Variants in MYH11 observed in about 807,000 individuals in gnomAD.
The protein encoded by MYH11 is myosin-11.
MYH11 carries 80 observed loss-of-function variants against 246.6 expected under a neutral mutation model. That is an observed-to-expected ratio of 0.32 (90% CI 0.27 to 0.39). The LOEUF (loss-of-function observed/expected upper bound fraction) is 0.39. Among genes scored for constraint, MYH11 ranks in the 10% least tolerant of loss-of-function variants. MYH11 has a pLI of 1.00. For synonymous variants in MYH11, 1,071 were observed against 1,015.5 expected, an observed-to-expected ratio of 1.05 and a Z score of -1.04; for missense variants, 2,158 against 2,546.8, an observed-to-expected ratio of 0.85 and a Z score of 3.29.
intron 20 of MYH11, among the ~76,000 whole-genome samples, chr16:15,742,645 C>A (rs889288412): frequency 6.6e-6 from 1 of 151,910 alleles, no homozygotes; most frequent in African/African-American, 2.4e-5. Context: ...GCAGGAAGAT[C>A]GCTTGAACCC....
chr16:15,796,574 T>A (rs757083923), intron 4 of MYH11, among the ~76,000 whole-genome samples: 3 of 152,310 alleles, frequency 2.0e-5, no homozygotes, highest in Middle Eastern at 3.4e-3. Flanking sequence ...TGGGTTTGGC[T>A]CCTAGGGGAT....
intron 9 of MYH11, among the ~76,000 whole-genome samples, chr16:15,768,614 C>T (rs1255303140): frequency 6.6e-6 from 1 of 152,168 alleles, no homozygotes; most frequent in Non-Finnish European, 1.5e-5. Context: ...CCATTATTTG[C>T]TTAATCATTT....
At chr16:15,763,416 G>A (rs2041911286) in intron 10 of MYH11, among the ~76,000 whole-genome samples, 1 of 152,108 alleles carries the variant, frequency 6.6e-6, no homozygotes, top group Non-Finnish European at 1.5e-5. Context: ...GGTAGGACGT[G>A]ATGACTCTTG....
chr16:15,718,107 A>G, intron 37 of MYH11: 1 of 739,276 alleles, frequency 1.4e-6, no homozygotes, highest in Non-Finnish European at 2.2e-6. Flanking sequence ...AAAATGAGAC[A>G]CTGCAGCGTG....
At chr16:15,783,868 C>A (rs1161416558) in intron 5 of MYH11, among the ~76,000 whole-genome samples, 1 of 152,046 alleles carries the variant, frequency 6.6e-6, no homozygotes, top group Non-Finnish European at 1.5e-5. Flanking sequence ...AAAGCAGATC[C>A]CAAATAAGAA....
chr16:15,848,166 G>T (rs1459442012), intron 1 of MYH11, among the ~76,000 whole-genome samples: 2 of 149,152 alleles, frequency 1.3e-5, no homozygotes, highest in Admixed American at 6.7e-5. Flanking sequence ...CCAAATTTTT[G>T]AGAAAATTCA....
chr16:15,743,223 C>T (rs2041323373), intron 20 of MYH11, among the ~76,000 whole-genome samples: 1 of 152,162 alleles, frequency 6.6e-6, no homozygotes. Context: ...GGCTGGAGTG[C>T]AGTGGCACGA....
chr16:15,804,110 C>T (rs1040330952), intron 3 of MYH11, among the ~76,000 whole-genome samples: 1 of 152,200 alleles, frequency 6.6e-6, no homozygotes, highest in African/African-American at 2.4e-5. Context: ...TTGCTTTGCA[C>T]AAGTGATTTC....
rs116075355 is a variant in MYH11 at position 15,848,964 on chromosome 16, G to A, written c.-18+7977C>T. On this transcript the variant is annotated intron_variant, in intron 1 of 40. Coordinates refer to ENST00000300036, the MANE Select transcript of MYH11 (RefSeq NM_002474.3). ...CCCTCCCTCCTCCACCATCGCTCAT[G>A]TTTAAGGTCCTGCATCAGCTCCAAG... 1.9e-3 allele frequency among the ~76,000 whole-genome samples: 296 copies of A among 152,278 alleles called. 3 individuals carry two copies. Among genetic ancestry groups the A allele is most frequent in the African/African-American group, 6.8e-3 (281 of 41,554 alleles).
chr16:15,780,474 C>CTTTTTTTTTTTTTTTTTTTTT (rs71134460), intron 6 of MYH11, among the ~76,000 whole-genome samples: 1 of 69,002 alleles, frequency 1.4e-5, no homozygotes, highest in African/African-American at 6.1e-5. Context: ...GATTTTTACG[C>CTTTTTTTTTTTTTTTTTTTTT]TTTTTTTTTT....
At chr16:15,766,310 C>G (rs2041978539) in intron 9 of MYH11, among the ~76,000 whole-genome samples, 1 of 151,472 alleles carries the variant, frequency 6.6e-6, no homozygotes. Context: ...AATGGAAACC[C>G]AGAGTTTTTA....
Position 15,820,538 on chromosome 16 carries a change from C to A in MYH11, c.502+2717G>T, listed in dbSNP as rs563815316. ...AAAGAAAAAGATTCAGGGCAATTCA[C>A]AGCTGAATGAACGCTAAGACCACAG... On this transcript the variant is annotated intron_variant, in intron 3 of 40. Coordinates refer to ENST00000300036, the MANE Select transcript of MYH11 (RefSeq NM_002474.3). Among the ~76,000 whole-genome samples the A allele has an allele frequency of 6.6e-5, 10 of 150,456 alleles. No homozygotes were observed. In the South Asian group the frequency reaches 1.9e-3, roughly 29 times the overall value.
In MYH11 at chr16:15,855,223, G is replaced by A. The variant is rs569218911; in HGVS notation, c.-18+1718C>T. On this transcript the variant is annotated intron_variant, in intron 1 of 40. Coordinates refer to ENST00000300036, the MANE Select transcript of MYH11 (RefSeq NM_002474.3). Reference sequence around the variant, plus strand: ...CTCGGAAAAGACCCAGCTAGTTCACGTTCTGGACTCTCGGCATGGCAGCCC... The same window carrying A: ...CTCGGAAAAGACCCAGCTAGTTCACATTCTGGACTCTCGGCATGGCAGCCC... Among the ~76,000 whole-genome samples the A allele has an allele frequency of 2.0e-5, 3 of 152,318 alleles. No homozygotes were observed. In the South Asian group the frequency reaches 6.2e-4, roughly 32 times the overall value.
intron 26 of MYH11, among the ~76,000 whole-genome samples, chr16:15,734,417 G>A (rs1174787194): frequency 6.6e-6 from 1 of 152,102 alleles, no homozygotes; most frequent in South Asian, 2.1e-4. Flanking sequence ...TACTGCCTCA[G>A]CCTCCTGAGT....
intron 1 of MYH11, among the ~76,000 whole-genome samples, 166 bp from the exon 2 acceptor site, chr16:15,838,435 G>A (rs930319058): frequency 1.3e-5 from 2 of 152,056 alleles, no homozygotes; most frequent in African/African-American, 4.8e-5. Context: ...CCACCCAAAG[G>A]CCCTTCAGAA....
At chr16:15,823,122 C>T in intron 3 of MYH11, 133 bp downstream of exon 3, 1 of 1,308,692 alleles carries the variant, frequency 7.6e-7, no homozygotes, top group Middle Eastern at 2.6e-4. Context: ...TTTGCTTTTT[C>T]CCTTTTTCAG....
chr16:15,730,028 C>A (rs2040913787), intron 27 of MYH11, among the ~76,000 whole-genome samples: 1 of 152,110 alleles, frequency 6.6e-6, no homozygotes, highest in African/African-American at 2.4e-5. Flanking sequence ...CCCTTTGGTG[C>A]TGCCCTCATG....
chr16:15,710,402 T>C (rs1382617844), intron 40 of MYH11, among the ~76,000 whole-genome samples: 1 of 152,108 alleles, frequency 6.6e-6, no homozygotes, highest in Non-Finnish European at 1.5e-5. Flanking sequence ...GCACCTGTAA[T>C]CTCAGCTACT....
At chr16:15,807,889 GC>G (rs1033092257) in intron 3 of MYH11, among the ~76,000 whole-genome samples, 2 of 152,174 alleles carry the variant, frequency 1.3e-5, no homozygotes, top group African/African-American at 4.8e-5. Flanking sequence ...AGCTATTTCG[GC>G]CCAAGCCCAA....
Sources: gnomAD v4.1 joint callset for allele counts (sites outside exome capture counted in the v4.1 genomes callset) on GRCh38, gnomAD v4.1.1 for gene constraint, MANE v1.5 for transcripts, NCBI Gene and HGNC (gene_info 2026-07-23, HGNC 2026-07-21) for gene names.